EYS: variants seen among roughly 807,000 people sequenced by gnomAD.
The protein encoded by EYS is protein eyes shut homolog.
EYS carries 250 observed loss-of-function variants against 282.1 expected under a neutral mutation model. The observed-to-expected ratio is 0.89, with a 90% CI of 0.80 to 0.98. The LOEUF is 0.98. Among genes scored for constraint, EYS ranks in the 50% least tolerant of loss-of-function variants. The pLI is 0.00. For synonymous variants in EYS, 1,355 were observed against 1,282.9 expected, an observed-to-expected ratio of 1.06 and a Z score of -1.20; for missense variants, 4,016 against 3,709.0, an observed-to-expected ratio of 1.08 and a Z score of -2.15.
intron 33 of EYS, among the ~76,000 whole-genome samples, chr6:64,017,562 C>CAAA (rs1768954974): frequency 6.6e-6 from 1 of 152,146 alleles, no homozygotes; most frequent in African/African-American, 2.4e-5. Context: ...GTACCTGATG[C>CAAA]ATAATGCACA....
chr6:64,284,100 T>C (rs1768405513), intron 30 of EYS, among the ~76,000 whole-genome samples: 1 of 152,176 alleles, frequency 6.6e-6, no homozygotes, highest in Non-Finnish European at 1.5e-5. Context: ...TGTTAACTCA[T>C]TTCAACATTA....
intron 12 of EYS, among the ~76,000 whole-genome samples, chr6:65,230,092 A>G (rs1766729148): frequency 6.6e-6 from 1 of 151,960 alleles, no homozygotes. Flanking sequence ...TACAATAACC[A>G]CTTGAGTAAT....
At chr6:65,548,780 T>G (rs546034803) in intron 2 of EYS, among the ~76,000 whole-genome samples, 1 of 152,338 alleles carries the variant, frequency 6.6e-6, no homozygotes, top group South Asian at 2.1e-4. Flanking sequence ...TGCTTCAGCA[T>G]TCTCTGGATA....
intron 33 of EYS, among the ~76,000 whole-genome samples, chr6:64,008,780 T>C (rs997069606): frequency 2.0e-5 from 3 of 152,226 alleles, no homozygotes; most frequent in Admixed American, 1.3e-4. Context: ...TTAAGAATGG[T>C]GAATATAGGC....
intron 2 of EYS, among the ~76,000 whole-genome samples, chr6:65,613,280 T>G (rs1466275228): frequency 6.6e-6 from 1 of 151,900 alleles, no homozygotes; most frequent in African/African-American, 2.4e-5. Context: ...GTTGACTAAA[T>G]TAATTTTATT....
chr6:65,057,500 G>A lies in EYS; in HGVS notation c.2137+114C>T, dbSNP rs10455568. ...TGGTCACTTTAGAAGCTGACTTTAAGAAAATGAAGGACTAATAATGTTGTT... is the reference window on the plus strand; with the variant it reads ...TGGTCACTTTAGAAGCTGACTTTAAAAAAATGAAGGACTAATAATGTTGTT... On this transcript the variant is annotated intron_variant, in intron 13 of 42. Transcript: ENST00000503581. 0.093 allele frequency: 67,600 copies of A among 727,310 alleles called. 3,540 individuals are homozygous for A. Among genetic ancestry groups the A allele is most frequent in the Middle Eastern group, 0.14 (534 of 3,812 alleles). 45.1% of individuals were successfully genotyped at this position (727,310 alleles called of 1,614,324 possible).
rs190727919 is a variant in EYS, at chr6:64,429,336, A to G, written c.5927+6838T>C. Among the ~76,000 whole-genome samples, 7 of 152,300 alleles carry G rather than the reference A, an allele frequency of 4.6e-5. No homozygotes were observed. The East Asian group carries it at 1.4e-3, about 29-fold the overall frequency. On this transcript the variant is annotated intron_variant, in intron 28 of 42. Coordinates refer to ENST00000503581, the MANE Select transcript of EYS (RefSeq NM_001142800.2). ...TTATCAGAGCACTGGAATAAATTGA[A>G]TTAAAAATTACAGGCCAGGTGCAGT...
At chr6:64,259,133 T>C (rs1480156330) in intron 30 of EYS, among the ~76,000 whole-genome samples, 1 of 152,046 alleles carries the variant, frequency 6.6e-6, no homozygotes, top group Non-Finnish European at 1.5e-5. Flanking sequence ...TCCAGGTATA[T>C]CTAGGGAGCA....
intron 31 of EYS, among the ~76,000 whole-genome samples, chr6:64,186,284 C>T (rs1282227902): frequency 6.7e-6 from 1 of 149,218 alleles, no homozygotes; most frequent in Non-Finnish European, 1.5e-5. Flanking sequence ...CACACACACA[C>T]GGTTCTGATT....
intron 1 of EYS, among the ~76,000 whole-genome samples, chr6:65,651,073 TATA>T (rs202019781): frequency 0.014 from 2,082 of 152,166 alleles, 16 homozygotes; most frequent in African/African-American, 0.018. Context: ...CCTTTATTAA[TATA>T]ATAAAATGTC....
Position 65,369,339 on chromosome 6 carries a change from T to TATATAATATATATATATTTATATATAC in EYS, c.1299+15046_1299+15047insGTATATATAAATATATATATATTATAT, listed in dbSNP as rs1765049423. On this transcript the variant is annotated intron_variant, in intron 8 of 42. Coordinates refer to ENST00000503581, the MANE Select transcript of EYS (RefSeq NM_001142800.2). ...TATTATATATATATATTTATATATA[T>TATATAATATATATATATTTATATATAC]ATATATCTCATTCTGAACCAAAAGT... is the stretch of plus-strand genomic sequence containing the variant. Among the ~76,000 whole-genome samples the TATATAATATATATATATTTATATATAC allele has an allele frequency of 4.1e-5, 6 of 144,780 alleles. No homozygotes were observed. In the South Asian group the frequency reaches 1.3e-3, roughly 31 times the overall value. 95.0% of individuals were successfully genotyped at this position (144,780 alleles called of 152,430 possible).
chr6:65,472,191 A>T (rs1228879189), intron 5 of EYS, among the ~76,000 whole-genome samples: 1 of 152,096 alleles, frequency 6.6e-6, no homozygotes, highest in Admixed American at 6.5e-5. Flanking sequence ...AGATCCATAT[A>T]AAGAAGTGTG....
chr6:64,193,069 T>A (rs1326479207), intron 31 of EYS, among the ~76,000 whole-genome samples: 2 of 152,222 alleles, frequency 1.3e-5, no homozygotes, highest in Non-Finnish European at 2.9e-5. Flanking sequence ...CCTCTCACCT[T>A]GTTTTACTTA....
chr6:64,537,141 A>G (rs1442944214), intron 26 of EYS, among the ~76,000 whole-genome samples: 8 of 142,610 alleles, frequency 5.6e-5, no homozygotes, highest in South Asian at 2.5e-4. Context: ...ATAACTCCCA[A>G]TGCTATCCCT....
intron 30 of EYS, among the ~76,000 whole-genome samples, chr6:64,247,196 G>A (rs890710341): frequency 6.6e-6 from 1 of 152,286 alleles, no homozygotes; most frequent in South Asian, 2.1e-4. Context: ...TTAAAAATGT[G>A]TGATTACTTA....
chr6:65,463,176 G>A (rs1338285809), intron 5 of EYS, among the ~76,000 whole-genome samples: 1 of 151,994 alleles, frequency 6.6e-6, no homozygotes, highest in Admixed American at 6.6e-5. Context: ...GGTCTCTGAG[G>A]TTCTGACTCT....
intron 12 of EYS, among the ~76,000 whole-genome samples, chr6:65,271,206 C>T (rs995477108): frequency 7.2e-6 from 1 of 138,556 alleles, no homozygotes; most frequent in Admixed American, 7.9e-5. Context: ...TGAGAAATTC[C>T]ACAATCTGCT....
chr6:65,450,506 A>G (rs1445004292), intron 5 of EYS, among the ~76,000 whole-genome samples: 2 of 152,156 alleles, frequency 1.3e-5, no homozygotes, highest in Non-Finnish European at 2.9e-5. Flanking sequence ...GGATTTCCAT[A>G]TGGTGACCAG....
chr6:64,194,714 G>A (rs1258142641), intron 31 of EYS, among the ~76,000 whole-genome samples: 1 of 152,058 alleles, frequency 6.6e-6, no homozygotes, highest in Non-Finnish European at 1.5e-5. Context: ...TTCTATGGTG[G>A]TTGGGGTCAG....
Sources: gnomAD v4.1 joint callset for allele counts (sites outside exome capture counted in the v4.1 genomes callset) on GRCh38, gnomAD v4.1.1 for gene constraint, MANE v1.5 for transcripts, NCBI Gene and HGNC (gene_info 2026-07-23, HGNC 2026-07-21) for gene names.